SLC41A2: variants seen among roughly 807,000 people sequenced by gnomAD.
SLC41A2 encodes the protein solute carrier family 41 member 2, also known as SLC41A1-like 1.
Under a neutral mutation model 58.3 loss-of-function variants are expected in SLC41A2, and 32 were observed. That is an observed-to-expected ratio of 0.55 (90% CI 0.41 to 0.74). The LOEUF (loss-of-function observed/expected upper bound fraction) is 0.74, where lower values mean the gene tolerates loss of function less well. Among genes scored for constraint, SLC41A2 ranks in the 30% least tolerant of loss-of-function variants. The pLI, the probability that SLC41A2 is intolerant of heterozygous loss-of-function variation, is 0.00. For missense variants in SLC41A2, 514 were observed against 680.6 expected (o/e 0.76, Z 2.72); for synonymous variants, 190 against 235.0 (o/e 0.81, Z 1.75).
At chr12:104,878,580 G>C (rs139532279) in intron 6 of SLC41A2, among the ~76,000 whole-genome samples, 31 of 151,670 alleles carry the variant, frequency 2.0e-4, no homozygotes, top group African/African-American at 7.0e-4. Context: ...TTCTGTCCAT[G>C]CAACAGTTTG....
intron 3 of SLC41A2, 63 bp from the exon 4 acceptor site, chr12:104,895,408 A>AC: frequency 7.9e-6 from 9 of 1,144,390 alleles, no homozygotes; most frequent in Non-Finnish European, 1.0e-5. Context: ...GCTGTGTTCA[A>AC]ACAGCACATG....
At chr12:104,952,846 C>T (rs78859950) in intron 1 of SLC41A2, among the ~76,000 whole-genome samples, 6,229 of 152,208 alleles carry the variant, frequency 0.041, 176 homozygotes, top group East Asian at 0.11. Flanking sequence ...CAAAACACTT[C>T]TGCTCAACCT....
intron 10 of SLC41A2, among the ~76,000 whole-genome samples, chr12:104,820,901 T>C (rs1255993126): frequency 4.6e-5 from 7 of 152,190 alleles, no homozygotes. Flanking sequence ...CACCTCAGCC[T>C]CCCAAAGTGC....
chr12:104,911,874 C>T (rs2046103050), intron 2 of SLC41A2, among the ~76,000 whole-genome samples: 2 of 152,082 alleles, frequency 1.3e-5, no homozygotes, highest in Non-Finnish European at 2.9e-5. Context: ...AACCAGCAAA[C>T]GATTTTGTCC....
At chr12:104,891,423 T>G (rs1021381273) in intron 4 of SLC41A2, among the ~76,000 whole-genome samples, 3 of 151,754 alleles carry the variant, frequency 2.0e-5, no homozygotes, top group African/African-American at 7.3e-5. Flanking sequence ...ATACTACAAC[T>G]CATATTACTT....
In SLC41A2 at chr12:104,955,065, T is replaced by C. The variant is rs1330010743; in HGVS notation, c.-168+3023A>G. Among the ~76,000 whole-genome samples, 3 of 149,096 alleles carry C rather than the reference T, an allele frequency of 2.0e-5. No individual in the cohort carries two copies. In the Admixed American group the frequency reaches 2.0e-4, roughly 10 times the overall value. ...TGAGTTAAGACGAAGTTTTGCTCTG[T>C]GCAGTGGCGTGATCTCGGTTCACTG... is the stretch of plus-strand genomic sequence containing the variant. On this transcript the variant is annotated intron_variant, in intron 1 of 10. Transcript: ENST00000258538.
chr12:104,881,631 G>C (rs909025003), intron 6 of SLC41A2, among the ~76,000 whole-genome samples: 2 of 152,172 alleles, frequency 1.3e-5, no homozygotes, highest in Non-Finnish European at 2.9e-5. Context: ...GCGGTTTTGA[G>C]TGAGTTTCTT....
intron 1 of SLC41A2, among the ~76,000 whole-genome samples, chr12:104,929,477 G>C (rs1446723691): frequency 6.6e-6 from 1 of 152,136 alleles, no homozygotes; most frequent in Non-Finnish European, 1.5e-5. Context: ...AGTCTGCTCT[G>C]GCCCATAATC....
chr12:104,842,023 A>G (rs1038675922), intron 10 of SLC41A2, among the ~76,000 whole-genome samples: 2 of 152,092 alleles, frequency 1.3e-5, no homozygotes, highest in Admixed American at 1.3e-4. Flanking sequence ...ATATTTGAAT[A>G]AGAGCTTGGA....
chr12:104,868,144 T>A (rs1003548465), intron 6 of SLC41A2, among the ~76,000 whole-genome samples: 1 of 152,152 alleles, frequency 6.6e-6, no homozygotes, highest in South Asian at 2.1e-4. Context: ...AAAAAAACCT[T>A]TTATTTGTTG....
chr12:104,905,329 G>A (rs139873604), intron 3 of SLC41A2, among the ~76,000 whole-genome samples: 7 of 152,140 alleles, frequency 4.6e-5, no homozygotes, highest in African/African-American at 1.4e-4. Context: ...ACGGAGTGTC[G>A]ATTGGTGCAC....
At position 104,886,347 on chromosome 12, in the gene SLC41A2, G is replaced by A; in HGVS notation, c.973C>T (p.Leu325Phe). ...ATPIAASFGD[L>F]ITLAILAWIS... is the part of the protein sequence containing the mutation. ...CAAGCCAATATGGCAAGAGTTATAA[G>A]GTCGCCAAAACTAGCAGCAATGGGT... Residue 325 changes from leucine to phenylalanine, a missense_variant, in exon 6 of 11, where the codon CTT becomes TTT. Coordinates refer to ENST00000258538, the MANE Select transcript of SLC41A2 (RefSeq NM_001352171.3). The A allele has an allele frequency of 6.2e-7, 1 of 1,613,654 alleles. No homozygotes were observed. The highest frequency in any genetic ancestry group is 8.5e-7 in the Non-Finnish European group (1 of 1,179,674).
chr12:104,821,426 A>G (rs1288317815), intron 10 of SLC41A2, among the ~76,000 whole-genome samples: 2 of 152,202 alleles, frequency 1.3e-5, no homozygotes, highest in Non-Finnish European at 2.9e-5. Context: ...GCAAAAAACT[A>G]AAAACAATCT....
chr12:104,897,944 T>A (rs1415039287), intron 3 of SLC41A2, among the ~76,000 whole-genome samples: 1 of 152,130 alleles, frequency 6.6e-6, no homozygotes, highest in African/African-American at 2.4e-5. Flanking sequence ...GAGGGAGAAG[T>A]ATGAGTGTTC....
chr12:104,815,197 G>C (rs2041340320), intron 10 of SLC41A2, among the ~76,000 whole-genome samples: 1 of 152,158 alleles, frequency 6.6e-6, no homozygotes, highest in Middle Eastern at 3.2e-3. Flanking sequence ...TTATTAAAAT[G>C]ACAATAAGTA....
At position 104,928,370 on chromosome 12, in the gene SLC41A2, T is replaced by C; in HGVS notation, c.158A>G (p.Asn53Ser). The change falls in exon 2 of 11, where the codon AAC becomes AGC. Residue 53 changes from asparagine (N) to serine (S), a missense_variant. By Grantham distance (46) the Asn-to-Ser change is conservative (BLOSUM62 1). Coordinates refer to ENST00000258538, the MANE Select transcript of SLC41A2 (RefSeq NM_001352171.3). ...TGCTTTTTTGTGCCTGTCTTCTTGG[T>C]TTTTCTGGTAAATCACTGGAACCAT... The part of the protein sequence containing the change: ...LSMVPVIYQK[N>S]QEDRHKKANG... The C allele has an allele frequency of 6.3e-7, 1 of 1,597,120 alleles. No homozygotes were observed. Among genetic ancestry groups the C allele is most frequent in the Non-Finnish European group, 8.5e-7 (1 of 1,170,226 alleles).
chr12:104,950,774 T>C (rs1233869601), intron 1 of SLC41A2, among the ~76,000 whole-genome samples: 1 of 152,204 alleles, frequency 6.6e-6, no homozygotes, highest in Non-Finnish European at 1.5e-5. Context: ...TGAAGCACCC[T>C]GGTTTCCACC....
chr12:104,813,396 G>A (rs1241883206), intron 10 of SLC41A2, among the ~76,000 whole-genome samples: 1 of 152,082 alleles, frequency 6.6e-6, no homozygotes, highest in Non-Finnish European at 1.5e-5. Context: ...AGGATGGAAG[G>A]TGGGGAAATA....
intron 2 of SLC41A2, among the ~76,000 whole-genome samples, chr12:104,925,603 A>C (rs536474917): frequency 3.9e-4 from 59 of 152,320 alleles, no homozygotes; most frequent in African/African-American, 1.4e-3. Flanking sequence ...ACAATGTTTA[A>C]CACTAAAGTT....
Sources: gnomAD v4.1 joint callset for allele counts (sites outside exome capture counted in the v4.1 genomes callset) on GRCh38, gnomAD v4.1.1 for gene constraint, MANE v1.5 for transcripts, NCBI Gene and HGNC (gene_info 2026-07-23, HGNC 2026-07-21) for gene names.